The following SACS variants were observed in gnomAD, a reference collection of about 807,000 sequenced individuals.
The protein encoded by SACS is sacsin.
A neutral mutation model predicts 348.0 loss-of-function variants in SACS; 197 were observed. The ratio of observed to expected loss-of-function variants is 0.57; its 90% CI spans 0.50 to 0.64. The LOEUF is 0.64. Among genes scored for constraint, SACS ranks in the 30% least tolerant of loss-of-function variants. The probability of loss-of-function intolerance (pLI) is 0.00; values close to 1 mark genes in which losing one functional copy is unlikely to be tolerated. For missense variants in SACS, 4,999 were observed against 5,360.8 expected, an observed-to-expected ratio of 0.93 and a Z score of 2.11; for synonymous variants, 1,985 against 1,910.6, an observed-to-expected ratio of 1.04 and a Z score of -1.02.
At chr13:23,413,471 T>A (rs2137969530) in intron 1 of SACS, among the ~76,000 whole-genome samples, 1 of 152,328 alleles carries the variant, frequency 6.6e-6, no homozygotes, top group Non-Finnish European at 1.5e-5. Context: ...CAGTTACTTG[T>A]TTCAGCCCAT....
intron 2 of SACS, among the ~76,000 whole-genome samples, chr13:23,408,462 A>C (rs1873329382): frequency 6.6e-6 from 1 of 152,220 alleles, no homozygotes; most frequent in South Asian, 2.1e-4. Flanking sequence ...TATATTTAAT[A>C]CTATATCTGC....
chr13:23,372,317 CA>C (rs1871444051), intron 3 of SACS, among the ~76,000 whole-genome samples: 1 of 152,174 alleles, frequency 6.6e-6, no homozygotes, highest in Non-Finnish European at 1.5e-5. Context: ...ATGCATAGAA[CA>C]GTATCTGTAA....
chr13:23,395,546 C>T (rs1245892817), intron 2 of SACS, among the ~76,000 whole-genome samples: 2 of 152,102 alleles, frequency 1.3e-5, no homozygotes, highest in African/African-American at 2.4e-5. Context: ...CACCTGTCCA[C>T]TTCTGCCAGA....
chr13:23,429,291 A>T (rs891761659), intron 1 of SACS, among the ~76,000 whole-genome samples: 1 of 145,848 alleles, frequency 6.9e-6, no homozygotes, highest in Non-Finnish European at 1.5e-5. Flanking sequence ...AGGATTGACC[A>T]TGTACAACCA....
chr13:23,393,856 G>A (rs561907559), intron 2 of SACS, among the ~76,000 whole-genome samples: 231 of 152,236 alleles, frequency 1.5e-3, no homozygotes, highest in African/African-American at 5.3e-3. Context: ...CGCCTCCTGG[G>A]TTCACACCAT....
chr13:23,407,426 C>A (rs566541338), intron 2 of SACS, among the ~76,000 whole-genome samples: 11 of 152,136 alleles, frequency 7.2e-5, no homozygotes, highest in Non-Finnish European at 1.2e-4. Flanking sequence ...GTCTCCATCT[C>A]CTGACCTCGT....
chr13:23,391,715 T>C (rs140608474), intron 2 of SACS, among the ~76,000 whole-genome samples: 1 of 152,118 alleles, frequency 6.6e-6, no homozygotes, highest in South Asian at 2.1e-4. Context: ...CCATGATTGA[T>C]CCTAATTGGA....
chr13:23,333,530 G>A lies in SACS; in HGVS notation c.10346C>T (p.Ser3449Leu), dbSNP rs369651344. Residue 3449 changes from serine (S) to leucine (L), a missense_variant, in exon 10 of 10, where the codon TCA becomes TTA. Coordinates refer to ENST00000382292, the MANE Select transcript of SACS (RefSeq NM_014363.6). ...TATTTTTTCTTCAAGAAATGCAGAT[G>A]ATGATGACTGTGTCCATTTCTCCAC... is the stretch of plus-strand genomic sequence containing the variant. ...AEVEKWTQSS[S>L]SAFLEEKIHL... The A allele has an allele frequency of 1.2e-6, 2 of 1,613,500 alleles. No homozygotes were observed. Among genetic ancestry groups the A allele is most frequent in the Non-Finnish European group, 1.7e-6 (2 of 1,179,594 alleles).
Position 23,341,090 on chromosome 13 carries a change from C to G in SACS, c.2786G>C (p.Arg929Pro). The change falls in exon 10 of 10, where the codon CGC (arginine) becomes CCC (proline). Residue 929 changes from arginine (R) to proline (P), a missense_variant. Physicochemically the swap from Arg to Pro is moderately radical, Grantham distance 103. Coordinates refer to ENST00000382292, the MANE Select transcript of SACS (RefSeq NM_014363.6). ...TCCCTGATCAGAAGAATGGTTAATG[C>G]GCTTGAATATTGCCAATTCTTGAAT... ...RIIQELAIFKRINHSSDQGIS... is the reference protein window; with the variant it reads ...RIIQELAIFKPINHSSDQGIS... 6.2e-7 allele frequency: 1 copy of G among 1,613,858 alleles called. No homozygotes were observed. The highest frequency in any genetic ancestry group is 8.5e-7 in the Non-Finnish European group (1 of 1,179,974).
Position 23,353,795 on chromosome 13 carries a change from G to A in SACS, c.2175C>T (p.Ala725=), listed in dbSNP as rs756363296. 1.3e-5 allele frequency: 20 copies of A among 1,589,156 alleles called. No homozygotes were observed. The highest frequency in any genetic ancestry group is 2.7e-5 in the African/African-American group (2 of 74,296). ...PHLVAALKEA[A]QTRGRPCTQL... ...ACTAAACTATAATACCTCGGGTTTGGGCAGCTTCCTTTAAAGCAGCCACAA... is the reference window on the plus strand; with the variant it reads ...ACTAAACTATAATACCTCGGGTTTGAGCAGCTTCCTTTAAAGCAGCCACAA... The change falls in exon 9 of 10, where the codon GCC becomes GCT. Residue 725 remains alanine (A), a synonymous_variant. Coordinates refer to ENST00000382292, the MANE Select transcript of SACS (RefSeq NM_014363.6).
rs145151216 is a variant in SACS at position 23,422,119 on chromosome 13, T to C, written c.-501-10379A>G. Among the ~76,000 whole-genome samples the C allele has an allele frequency of 3.9e-5, 6 of 152,352 alleles. No individual in the cohort carries two copies. In the East Asian group the frequency reaches 1.2e-3, roughly 29 times the overall value. On this transcript the variant is annotated intron_variant, in intron 1 of 9. Transcript: ENST00000382292. ...CATGCTACTAACTAGAAAAAAGTTA[T>C]GTGCAAAGGAGCTTTGTGATGTACC...
chr13:23,333,208 C>T lies in SACS; in HGVS notation c.10668G>A (p.Leu3556=), dbSNP rs139517699. The T allele has an allele frequency of 1.4e-4, 216 of 1,597,908 alleles. 2 individuals carry two copies. In the African/African-American group the frequency reaches 2.7e-3, roughly 20 times the overall value. ...RVFEVMLPEK[L]FIPNDFFKKL... ...TCTTAAAGAAATCATTAGGAATAAA[C>T]AATTTTTCAGGAAGCATAACTTCAA... The change falls in exon 10 of 10, where the codon TTG becomes TTA. Residue 3556 remains leucine, a synonymous_variant. Coordinates refer to ENST00000382292, the MANE Select transcript of SACS (RefSeq NM_014363.6).
Position 23,337,460 on chromosome 13 carries a change from T to A in SACS, c.6416A>T (p.Tyr2139Phe). 6.2e-7 allele frequency: 1 copy of A among 1,613,244 alleles called. No individual in the cohort carries two copies. The highest frequency in any genetic ancestry group is 8.5e-7 in the Non-Finnish European group (1 of 1,179,574). Residue 2139 changes from tyrosine (Y) to phenylalanine (F), a missense_variant, in exon 10 of 10, where the codon TAT (tyrosine) becomes TTT (phenylalanine). Physicochemically the swap from Tyr to Phe is conservative, Grantham distance 22. This residue lies in a region of SACS where 3,156 missense variants were observed against 3,380.1 expected (regional missense o/e 0.93). Coordinates refer to ENST00000382292, the MANE Select transcript of SACS (RefSeq NM_014363.6). The part of the protein sequence containing the change: ...GRFPYGSTQD[Y>F]LNPIILIKLV... The stretch of plus-strand genomic sequence containing the variant: ...TTTAATCAAAATAATAGGATTGAGA[T>A]AATCCTGAGTAGAACCATAAGGGAA...
At chr13:23,400,964 T>G (rs1416529992) in intron 2 of SACS, among the ~76,000 whole-genome samples, 1 of 135,262 alleles carries the variant, frequency 7.4e-6, no homozygotes, top group Non-Finnish European at 1.6e-5. Context: ...ATTCGATTTG[T>G]TGAACTGAAT....
chr13:23,349,727 G>C (rs1869832861), intron 9 of SACS, among the ~76,000 whole-genome samples: 1 of 152,172 alleles, frequency 6.6e-6, no homozygotes, highest in Admixed American at 6.5e-5. Flanking sequence ...GGGACCTTGA[G>C]ATATACCCTT....
chr13:23,330,313 A>T lies in SACS; in HGVS notation c.13563T>A (p.Asn4521Lys). Residue 4521 changes from asparagine to lysine, a missense_variant, in exon 10 of 10, where the codon AAT (asparagine) becomes AAA (lysine). Physicochemically the swap from Asn to Lys is moderately conservative, Grantham distance 94 (BLOSUM62 0). This residue lies in a region of SACS where 254 missense variants were observed against 275.1 expected (regional missense o/e 0.92). Transcript: ENST00000382292. ...CATAAGCTTCCAATGTGTGAACATC[A>T]TTTGTCAGTCCTTCAAGTTGCTGAC... Reference protein sequence around the residue: ...EYSQQLEGLTNDVHTLEAYGV... With the variant: ...EYSQQLEGLTKDVHTLEAYGV... 1 of 1,614,174 alleles carries T rather than the reference A, an allele frequency of 6.2e-7. No homozygotes were observed. Among genetic ancestry groups the T allele is most frequent in the Non-Finnish European group, 8.5e-7 (1 of 1,180,020 alleles).
intron 2 of SACS, among the ~76,000 whole-genome samples, chr13:23,406,036 T>C (rs9550972): frequency 0.27 from 41,144 of 152,116 alleles, 6,332 homozygotes; most frequent in East Asian, 0.44. Context: ...ACTGGGTATA[T>C]ACCCAAAGGA....
At chr13:23,385,578 G>A (rs1037407435) in intron 2 of SACS, among the ~76,000 whole-genome samples, 2 of 151,990 alleles carry the variant, frequency 1.3e-5, no homozygotes, top group Non-Finnish European at 2.9e-5. Context: ...GGCTGGTCTC[G>A]AATTCCTGAC....
Position 23,375,288 on chromosome 13 carries a change from C to T in SACS, c.21-19G>A. The T allele has an allele frequency of 7.0e-7, 1 of 1,431,428 alleles. No homozygotes were observed. The highest frequency in any genetic ancestry group is 1.5e-5 in the South Asian group (1 of 67,256). 88.7% of individuals were successfully genotyped at this position (1,431,428 alleles called of 1,614,324 possible). A position where few individuals can be genotyped will look rare whatever the true frequency, so the allele number is the denominator to read the frequency against. On this transcript the variant is annotated intron_variant, in intron 2 of 9. Transcript: ENST00000382292. ...GACCCACCTGTGGAAAGCAGAGGGA[C>T]GCTCAGTCGGGCTGCGGCTGCCACC... is the stretch of plus-strand genomic sequence containing the variant.
Sources: gnomAD v4.1 joint callset for allele counts (sites outside exome capture counted in the v4.1 genomes callset) on GRCh38, gnomAD v4.1.1 for gene constraint, gnomAD v4.1.1 regional missense constraint, MANE v1.5 for transcripts, NCBI Gene and HGNC (gene_info 2026-07-23, HGNC 2026-07-21) for gene names.